Variants in FHL5 observed in about 807,000 individuals in gnomAD.
The protein encoded by FHL5 is four and a half LIM domains 5.
A neutral mutation model predicts 32.0 loss-of-function variants in FHL5; 33 were observed. The ratio of observed to expected loss-of-function variants is 1.03; its 90% CI spans 0.78 to 1.38. FHL5 has a LOEUF of 1.38. Among genes scored for constraint, FHL5 ranks in the 40% most tolerant of loss-of-function variants. The pLI, the probability that FHL5 is intolerant of heterozygous loss-of-function variation, is 0.00. For synonymous variants in FHL5, 114 were observed against 113.6 expected, an observed-to-expected ratio of 1.00 and a Z score of -0.02; for missense variants, 336 against 343.9, an observed-to-expected ratio of 0.98 and a Z score of 0.18.
intron 1 of FHL5, among the ~76,000 whole-genome samples, chr6:96,568,659 A>C (rs1482576489): frequency 6.6e-6 from 1 of 151,910 alleles, no homozygotes; most frequent in Non-Finnish European, 1.5e-5. Flanking sequence ...TGGTCTGTTC[A>C]GGTGTTCTCT....
chr6:96,582,734 A>T (rs1430161202), intron 1 of FHL5, among the ~76,000 whole-genome samples: 1 of 152,110 alleles, frequency 6.6e-6, no homozygotes, highest in Non-Finnish European at 1.5e-5. Context: ...ATTCCACCAC[A>T]ATTCTATGAT....
chr6:96,586,493 C>G (rs1243165953), intron 1 of FHL5, among the ~76,000 whole-genome samples: 2 of 152,062 alleles, frequency 1.3e-5, no homozygotes, highest in Non-Finnish European at 2.9e-5. Flanking sequence ...AAAATTGAAG[C>G]ATGAGCAAAC....
chr6:96,607,720 C>T (rs148831783), intron 4 of FHL5, among the ~76,000 whole-genome samples: 79 of 151,976 alleles, frequency 5.2e-4, no homozygotes, highest in African/African-American at 1.6e-3. Context: ...TGGTGGCTCA[C>T]GTCTGTAATC....
At position 96,604,307 on chromosome 6, in the gene FHL5, T is replaced by TTCTC. The variant is rs3839356; in HGVS notation, c.160-421_160-418dup. Among the ~76,000 whole-genome samples, 759 of 145,894 alleles carry TTCTC rather than the reference T, an allele frequency of 5.2e-3. 5 individuals carry two copies. The highest frequency in any genetic ancestry group is 6.0e-3 in the Non-Finnish European group (396 of 65,770). On this transcript the variant is annotated intron_variant, in intron 2 of 5. Coordinates refer to ENST00000450218, the MANE Select transcript of FHL5 (RefSeq NM_001322466.2). ...ATCCTCCGATTATTTTCCTCTCTCT[T>TTCTC]TCTCTCTCTCTCTCTCTCTCTCTCT...
intron 5 of FHL5, among the ~76,000 whole-genome samples, chr6:96,611,970 G>A (rs564730089): frequency 2.0e-5 from 3 of 152,198 alleles, no homozygotes; most frequent in Non-Finnish European, 2.9e-5. Context: ...TAAAAGTAGA[G>A]GAAGAGCCTG....
At chr6:96,592,890 T>A (rs1317582291) in intron 1 of FHL5, among the ~76,000 whole-genome samples, 1 of 152,146 alleles carries the variant, frequency 6.6e-6, no homozygotes, top group Non-Finnish European at 1.5e-5. Context: ...TCAGGTCAGT[T>A]GAGGTTCATG....
intron 1 of FHL5, among the ~76,000 whole-genome samples, chr6:96,596,474 T>C (rs1262833377): frequency 1.3e-5 from 2 of 152,142 alleles, no homozygotes; most frequent in Non-Finnish European, 2.9e-5. Context: ...GTTGACACTT[T>C]CCTTAATTGT....
At chr6:96,607,435 C>G (rs1474154927) in intron 4 of FHL5, among the ~76,000 whole-genome samples, 5 of 151,952 alleles carry the variant, frequency 3.3e-5, no homozygotes, top group Non-Finnish European at 5.9e-5. Flanking sequence ...ACGCAGTTAA[C>G]TGTTTAACAT....
intron 1 of FHL5, among the ~76,000 whole-genome samples, chr6:96,599,638 C>T (rs1033198037): frequency 6.6e-6 from 1 of 152,180 alleles, no homozygotes; most frequent in Non-Finnish European, 1.5e-5. Context: ...TATATCAGTG[C>T]ACCTCTAAAT....
intron 1 of FHL5, among the ~76,000 whole-genome samples, chr6:96,578,405 C>G (rs1194864427): frequency 6.6e-6 from 1 of 152,016 alleles, no homozygotes; most frequent in Non-Finnish European, 1.5e-5. Context: ...ATAACCAAAA[C>G]GAGAAATGTA....
intron 1 of FHL5, among the ~76,000 whole-genome samples, chr6:96,568,610 G>C (rs1017964383): frequency 4.6e-5 from 7 of 151,812 alleles, no homozygotes; most frequent in Non-Finnish European, 7.4e-5. Flanking sequence ...TTTTTGATAA[G>C]AGACTTTTTA....
intron 1 of FHL5, among the ~76,000 whole-genome samples, chr6:96,578,805 G>A (rs1230050092): frequency 6.6e-6 from 1 of 151,974 alleles, no homozygotes; most frequent in East Asian, 1.9e-4. Context: ...TTGTGCCACT[G>A]CACTTCAGCC....
At position 96,615,800 on chromosome 6, in the gene FHL5, A is replaced by G; in HGVS notation, c.*28A>G. On this transcript the variant is annotated 3_prime_UTR_variant, in exon 6 of 6. Transcript: ENST00000450218. ...GACAGTCCTTGCCCACCTAAAATCC[A>G]TTTTGCCTTCGTTGTCACTAAAGCC... 2 of 1,531,704 alleles carry G rather than the reference A, an allele frequency of 1.3e-6. No individual in the cohort carries two copies. The highest frequency in any genetic ancestry group is 2.4e-5 in the East Asian group (1 of 42,200). 94.9% of individuals were successfully genotyped at this position (1,531,704 alleles called of 1,614,324 possible). A position where few individuals can be genotyped will look rare whatever the true frequency, so the allele number is the denominator to read the frequency against.
chr6:96,585,343 AGGCAATTGGGATAGCCATGC>A (rs1238943074), intron 1 of FHL5, among the ~76,000 whole-genome samples: 2 of 152,212 alleles, frequency 1.3e-5, no homozygotes, highest in Non-Finnish European at 2.9e-5. Flanking sequence ...AGACCTGAAT[AGGCAATTGGGATAGCCATGC>A]GGCAATCCCA....
At chr6:96,594,257 A>ATT (rs1210577090) in intron 1 of FHL5, among the ~76,000 whole-genome samples, 5 of 99,322 alleles carry the variant, frequency 5.0e-5, no homozygotes, top group African/African-American at 1.3e-4. Context: ...ATATATATAT[A>ATT]TATATATATA....
intron 4 of FHL5, among the ~76,000 whole-genome samples, chr6:96,607,041 T>C (rs144714983): frequency 0.012 from 1,773 of 152,168 alleles, 22 homozygotes; most frequent in Non-Finnish European, 0.02. Context: ...AAAAAAAACA[T>C]TTTCTAAGAG....
At chr6:96,591,759 G>A (rs1428813227) in intron 1 of FHL5, among the ~76,000 whole-genome samples, 1 of 151,994 alleles carries the variant, frequency 6.6e-6, no homozygotes, top group Non-Finnish European at 1.5e-5. Flanking sequence ...TTTCATGTAG[G>A]TGCTTTTCTA....
At position 96,581,693 on chromosome 6, in the gene FHL5, C is replaced by A. The variant is rs113963544; in HGVS notation, c.-13+18338C>A. Among the ~76,000 whole-genome samples the A allele has an allele frequency of 4.5e-3, 691 of 152,272 alleles. 6 individuals are homozygous for A. The highest frequency in any genetic ancestry group is 0.013 in the African/African-American group (541 of 41,550). ...GTTAAGTAGGTGAATCAATGAGGGG[C>A]CTCTCTGCACTGCTGAAAACAGCTA... is the stretch of plus-strand genomic sequence containing the variant. On this transcript the variant is annotated intron_variant, in intron 1 of 5. Coordinates refer to ENST00000450218, the MANE Select transcript of FHL5 (RefSeq NM_001322466.2).
intron 4 of FHL5, among the ~76,000 whole-genome samples, chr6:96,606,571 C>T (rs1771286037): frequency 1.3e-5 from 2 of 152,032 alleles, no homozygotes; most frequent in Non-Finnish European, 2.9e-5. Context: ...AGTCTGGTCT[C>T]GAACTCCTGA....
Sources: allele counts gnomAD v4.1 joint callset (sites outside exome capture counted in the v4.1 genomes callset), GRCh38; gene constraint gnomAD v4.1.1; transcripts MANE v1.5; gene names NCBI Gene and HGNC (gene_info 2026-07-23, HGNC 2026-07-21).